The following ASIC2 variants were observed in gnomAD, a reference collection of about 807,000 sequenced individuals.
The protein encoded by ASIC2 is acid sensing ion channel subunit 2.
ASIC2 carries 25 observed loss-of-function variants against 57.3 expected under a neutral mutation model. The ratio of observed to expected loss-of-function variants is 0.44; its 90% CI spans 0.32 to 0.61. The LOEUF is 0.61. ASIC2 is among the 20% of genes least tolerant of loss of function. The probability of loss-of-function intolerance (pLI) is 0.06; values close to 1 mark genes in which losing one functional copy is unlikely to be tolerated. For missense variants in ASIC2, 641 were observed against 738.1 expected (o/e 0.87, Z 1.52); for synonymous variants, 319 against 307.5 (o/e 1.04, Z -0.39).
At chr17:33,789,070 G>T (rs1178180875) in intron 1 of ASIC2, among the ~76,000 whole-genome samples, 1 of 152,048 alleles carries the variant, frequency 6.6e-6, no homozygotes, top group Non-Finnish European at 1.5e-5. Flanking sequence ...CCCATCTCTG[G>T]CTGCTCTTGC....
intron 1 of ASIC2, among the ~76,000 whole-genome samples, chr17:34,121,591 AATAT>A (rs1356986930): frequency 1.3e-5 from 2 of 152,118 alleles, no homozygotes; most frequent in East Asian, 3.9e-4. Flanking sequence ...ACCTTTTTGA[AATAT>A]CAATCTCATC....
chr17:34,152,046 A>G (rs138116626), intron 1 of ASIC2, among the ~76,000 whole-genome samples: 9 of 152,118 alleles, frequency 5.9e-5, no homozygotes, highest in Non-Finnish European at 1.3e-4. Flanking sequence ...AAGATAGACT[A>G]GATTAGCTAT....
At chr17:33,607,647 T>A (rs2142013471) in intron 1 of ASIC2, among the ~76,000 whole-genome samples, 1 of 152,342 alleles carries the variant, frequency 6.6e-6, no homozygotes, top group East Asian at 1.9e-4. Flanking sequence ...GCGGCATCTG[T>A]CTGTCACTGA....
At chr17:33,528,732 C>T (rs1914963318) in intron 1 of ASIC2, among the ~76,000 whole-genome samples, 1 of 152,234 alleles carries the variant, frequency 6.6e-6, no homozygotes, top group African/African-American at 2.4e-5. Context: ...AGCCAAGTTG[C>T]AGCCCCTCTT....
intron 1 of ASIC2, among the ~76,000 whole-genome samples, chr17:33,543,902 G>A (rs1266185352): frequency 6.6e-6 from 1 of 152,176 alleles, no homozygotes; most frequent in South Asian, 2.1e-4. Flanking sequence ...ATACAGTAAA[G>A]TTTACATTTT....
chr17:33,084,090 G>A (rs1258409635), intron 3 of ASIC2, among the ~76,000 whole-genome samples: 3 of 152,242 alleles, frequency 2.0e-5, no homozygotes, highest in Admixed American at 6.5e-5. Flanking sequence ...TGGCAGAGCC[G>A]GGAGTGGGTG....
At chr17:33,734,299 C>G (rs1909844137) in intron 1 of ASIC2, among the ~76,000 whole-genome samples, 1 of 152,064 alleles carries the variant, frequency 6.6e-6, no homozygotes, top group Non-Finnish European at 1.5e-5. Context: ...GAGAGGCCAG[C>G]CTTTCCTCCC....
At chr17:33,607,817 C>T (rs903590576) in intron 1 of ASIC2, among the ~76,000 whole-genome samples, 11 of 152,228 alleles carry the variant, frequency 7.2e-5, no homozygotes, top group Admixed American at 5.2e-4. Flanking sequence ...ATCTGGGCAC[C>T]GCATTCTTAG....
chr17:33,159,876 C>T (rs374358948), intron 1 of ASIC2, among the ~76,000 whole-genome samples: 8 of 152,146 alleles, frequency 5.3e-5, no homozygotes, highest in Non-Finnish European at 7.3e-5. Flanking sequence ...TTTGGTAAGA[C>T]AGTTCACATA....
chr17:33,828,205 C>T (rs920352145), intron 1 of ASIC2: 2 of 152,086 alleles, frequency 1.3e-5, no homozygotes, highest in African/African-American at 4.8e-5. Flanking sequence ...TGTCTTTATA[C>T]CCAAAGGATT....
At chr17:33,309,936 C>T (rs932983403) in intron 1 of ASIC2, among the ~76,000 whole-genome samples, 9 of 144,812 alleles carry the variant, frequency 6.2e-5, no homozygotes, top group African/African-American at 2.1e-4. Flanking sequence ...AATGCCATGA[C>T]TCCTCCCCTC....
chr17:33,868,943 T>C (rs2141929925), intron 1 of ASIC2, among the ~76,000 whole-genome samples: 1 of 152,262 alleles, frequency 6.6e-6, no homozygotes, highest in African/African-American at 2.4e-5. Flanking sequence ...TGCATGCCTG[T>C]AGTCCCAGCT....
chr17:33,239,713 G>T (rs1246057441), intron 1 of ASIC2, among the ~76,000 whole-genome samples: 1 of 152,156 alleles, frequency 6.6e-6, no homozygotes, highest in African/African-American at 2.4e-5. Context: ...TTAGAAGAAG[G>T]TTTGCTGAGA....
At chr17:33,029,621 T>C (rs2091872982) in intron 3 of ASIC2, among the ~76,000 whole-genome samples, 3 of 152,254 alleles carry the variant, frequency 2.0e-5, no homozygotes, top group African/African-American at 7.2e-5. Flanking sequence ...TGTGGACATA[T>C]GTTTTAATTT....
intron 1 of ASIC2, among the ~76,000 whole-genome samples, chr17:33,938,331 C>T (rs1210488889): frequency 1.3e-5 from 2 of 152,138 alleles, no homozygotes; most frequent in African/African-American, 4.8e-5. Context: ...CACCCAATGT[C>T]CCTGATATTC....
At chr17:33,514,971 C>T (rs1363640151) in intron 1 of ASIC2, among the ~76,000 whole-genome samples, 1 of 152,244 alleles carries the variant, frequency 6.6e-6, no homozygotes, top group East Asian at 1.9e-4. Context: ...AAACTCCGTG[C>T]CAGCCCTCAG....
At chr17:33,410,043 A>G (rs1210692049) in intron 1 of ASIC2, among the ~76,000 whole-genome samples, 1 of 152,126 alleles carries the variant, frequency 6.6e-6, no homozygotes, top group African/African-American at 2.4e-5. Context: ...AGTTCACACC[A>G]TTGAGGATGT....
In ASIC2 at chr17:34,122,377, G is replaced by A. The variant is rs1481844825; in HGVS notation, c.555+33601C>T. Among the ~76,000 whole-genome samples the A allele has an allele frequency of 3.3e-5, 5 of 152,232 alleles. No homozygotes were observed. In the East Asian group the frequency reaches 9.6e-4, roughly 29 times the overall value. ...ACACTACCAGAATGAATGAAGGAAT[G>A]AGCCAATCATGTCAAAGTCTCGCAA... On this transcript the variant is annotated intron_variant, in intron 1 of 9. Transcript: ENST00000359872.
chr17:33,866,261 T>C (rs1305494291), intron 1 of ASIC2, among the ~76,000 whole-genome samples: 1 of 152,188 alleles, frequency 6.6e-6, no homozygotes, highest in Non-Finnish European at 1.5e-5. Flanking sequence ...AGGAGTGAAA[T>C]TGCCACTTTT....
Sources: allele counts gnomAD v4.1 joint callset (sites outside exome capture counted in the v4.1 genomes callset), GRCh38; gene constraint gnomAD v4.1.1; transcripts MANE v1.5; gene names NCBI Gene and HGNC (gene_info 2026-07-23, HGNC 2026-07-21).